The following AGO2 variants were observed in gnomAD, a reference collection of about 807,000 sequenced individuals.
AGO2 encodes the protein protein argonaute-2.
AGO2 carries 5 observed loss-of-function variants against 102.3 expected under a neutral mutation model. The ratio of observed to expected loss-of-function variants is 0.05; its 90% CI spans 0.03 to 0.10. AGO2 has a LOEUF of 0.10. Among genes scored for constraint, AGO2 ranks in the 10% least tolerant of loss-of-function variants. The pLI is 1.00. For synonymous variants in AGO2, 449 were observed against 473.1 expected, an observed-to-expected ratio of 0.95 and a Z score of 0.66; for missense variants, 541 against 1,183.7, an observed-to-expected ratio of 0.46 and a Z score of 7.97.
At chr8:140,588,394 C>G (rs2073691007) in intron 1 of AGO2, among the ~76,000 whole-genome samples, 1 of 145,854 alleles carries the variant, frequency 6.9e-6, no homozygotes. Flanking sequence ...TTGCACTATA[C>G]TGTAGTCTAC....
At chr8:140,632,334 A>G (rs1197242753) in intron 1 of AGO2, among the ~76,000 whole-genome samples, 2 of 152,278 alleles carry the variant, frequency 1.3e-5, no homozygotes, top group African/African-American at 4.8e-5. Context: ...GTAGAGGGTG[A>G]TATCCTGCCA....
At chr8:140,578,098 G>A (rs927444226) in intron 2 of AGO2, among the ~76,000 whole-genome samples, 2 of 152,164 alleles carry the variant, frequency 1.3e-5, no homozygotes, top group East Asian at 1.9e-4. Context: ...CCACCGGCTC[G>A]CAGCCCCCAT....
At chr8:140,586,275 C>T (rs1361495847) in intron 1 of AGO2, among the ~76,000 whole-genome samples, 2 of 152,174 alleles carry the variant, frequency 1.3e-5, no homozygotes, top group South Asian at 2.1e-4. Flanking sequence ...GGTAGATTAC[C>T]TGAGGTCAGG....
chr8:140,625,221 T>A (rs2074260781), intron 1 of AGO2, among the ~76,000 whole-genome samples: 1 of 152,212 alleles, frequency 6.6e-6, no homozygotes. Flanking sequence ...CGCTCCAACC[T>A]CCACCTCCTG....
At chr8:140,595,615 A>AAT (rs35447841) in intron 1 of AGO2, among the ~76,000 whole-genome samples, 14 of 124,972 alleles carry the variant, frequency 1.1e-4, no homozygotes, top group South Asian at 2.3e-4. Flanking sequence ...CTATATATAT[A>AAT]ATATATATAT....
chr8:140,574,436 AT>A (rs1267183221), intron 2 of AGO2, among the ~76,000 whole-genome samples: 1 of 151,808 alleles, frequency 6.6e-6, no homozygotes, highest in Non-Finnish European at 1.5e-5. Context: ...TAATTTTTAA[AT>A]TTTTTTGTAG....
intron 1 of AGO2, among the ~76,000 whole-genome samples, chr8:140,630,938 C>T (rs985368873): frequency 6.6e-6 from 1 of 152,178 alleles, no homozygotes; most frequent in Non-Finnish European, 1.5e-5. Context: ...TCTGCAGTCT[C>T]AGCTACTAGG....
In AGO2 at chr8:140,528,753, G is replaced by C. The variant is rs749907494; in HGVS notation, c.*3291C>G. Reference sequence around the variant, plus strand: ...CTTTCTAAAAGTACAGCTATGCCCAGTTTTACAAAATTTATCCAAACCAGG... The same window carrying C: ...CTTTCTAAAAGTACAGCTATGCCCACTTTTACAAAATTTATCCAAACCAGG... On this transcript the variant is annotated 3_prime_UTR_variant, in exon 19 of 19. Coordinates refer to ENST00000220592, the MANE Select transcript of AGO2 (RefSeq NM_012154.5). The surrounding 1 kb of genome is among the most constrained non-coding windows in gnomAD (Gnocchi z 4.5). The C allele has an allele frequency of 2.6e-5, 4 of 152,222 alleles. No homozygotes were observed. Among genetic ancestry groups the C allele is most frequent in the Non-Finnish European group, 5.9e-5 (4 of 68,048 alleles). The allele number at this position is 152,222 out of a possible 1,614,324, so 9.4% of individuals were successfully genotyped here.
Position 140,527,597 on chromosome 8 carries a change from T to C in AGO2, c.*4447A>G, listed in dbSNP as rs977158428. ...GAAGCGTCACAGCAGACGAGACTGC[T>C]GGCACGGCAGCTAGAGTGCAACTCC... On this transcript the variant is annotated 3_prime_UTR_variant, in exon 19 of 19. Coordinates refer to ENST00000220592, the MANE Select transcript of AGO2 (RefSeq NM_012154.5). The surrounding 1 kb of genome is among the most constrained non-coding windows in gnomAD (Gnocchi z 6.0). The C allele has an allele frequency of 1.3e-5, 2 of 152,682 alleles. No individual in the cohort carries two copies. Among genetic ancestry groups the C allele is most frequent in the Non-Finnish European group, 2.9e-5 (2 of 68,018 alleles). 9.5% of individuals were successfully genotyped at this position (152,682 alleles called of 1,614,324 possible).
At chr8:140,535,297 T>G in intron 17 of AGO2, 171 bp downstream of exon 17, 1 of 411,748 alleles carries the variant, frequency 2.4e-6, no homozygotes. Flanking sequence ...CCCAGGCCCC[T>G]CTCCCCACCC....
intron 11 of AGO2, among the ~76,000 whole-genome samples, chr8:140,550,810 G>A (rs891825007): frequency 3.3e-5 from 5 of 152,024 alleles, no homozygotes; most frequent in Non-Finnish European, 7.4e-5. Context: ...AGATGGGCTG[G>A]TCTCAAACTC....
chr8:140,634,522 G>A (rs28458327), intron 1 of AGO2, among the ~76,000 whole-genome samples: 5,441 of 152,330 alleles, frequency 0.036, 311 homozygotes, highest in African/African-American at 0.12. Context: ...TGCCCGGTGG[G>A]AGCACGCCAA....
At position 140,532,040 on chromosome 8, in the gene AGO2, CAT is replaced by C; in HGVS notation, c.*2_*3del. 1 of 1,613,760 alleles carries C rather than the reference CAT, an allele frequency of 6.2e-7. No individual in the cohort carries two copies. The highest frequency in any genetic ancestry group is 1.1e-5 in the South Asian group (1 of 91,072). On this transcript the variant is annotated 3_prime_UTR_variant, in exon 19 of 19. Transcript: ENST00000220592. ...GGTACACAATCGCTAAACACTAAAA[CAT>C]GTCAAGCAAAGTACATGGTGCGCAG...
intron 1 of AGO2, among the ~76,000 whole-genome samples, chr8:140,616,034 C>T (rs936710202): frequency 6.6e-6 from 1 of 152,210 alleles, no homozygotes. Context: ...CCAACAGGCT[C>T]ACCCTCAGAG....
upstream of AGO2, among the ~76,000 whole-genome samples, chr8:140,636,086 C>G (rs2074406081): frequency 6.6e-6 from 1 of 151,176 alleles, no homozygotes; most frequent in African/African-American, 2.4e-5. Context: ...GGGCGCAGAA[C>G]CCTCCCACCC....
intron 3 of AGO2, among the ~76,000 whole-genome samples, chr8:140,568,215 T>C (rs1408523201): frequency 7.7e-6 from 1 of 129,988 alleles, no homozygotes; most frequent in Non-Finnish European, 1.6e-5. Context: ...GCCTGGGAGG[T>C]GGAGGTTACA....
At chr8:140,574,510 T>G (rs1293157556) in intron 2 of AGO2, among the ~76,000 whole-genome samples, 2 of 152,162 alleles carry the variant, frequency 1.3e-5, no homozygotes, top group Non-Finnish European at 2.9e-5. Flanking sequence ...GCAATCCTCC[T>G]GCCTTTGCCT....
At chr8:140,570,957 C>A (rs1204823008) in intron 3 of AGO2, among the ~76,000 whole-genome samples, 7 of 152,180 alleles carry the variant, frequency 4.6e-5, no homozygotes, top group Non-Finnish European at 8.8e-5. Flanking sequence ...ACAGACAAAA[C>A]TGTGCACAAA....
chr8:140,535,586 A>G lies in AGO2; in HGVS notation c.2170-17T>C, dbSNP rs893823187. The G allele has an allele frequency of 6.2e-7, 1 of 1,613,536 alleles. No individual in the cohort carries two copies. The highest frequency in any genetic ancestry group is 1.3e-5 in the African/African-American group (1 of 75,054). On this transcript the variant is annotated splice_polypyrimidine_tract_variant and intron_variant, in intron 16 of 18. Transcript: ENST00000220592. ...TTTCCCAACCTTCGGCAACACAGGC[A>G]TCTCGTTAGACACGGCCAGGGACCG...
Sources: allele counts gnomAD v4.1 joint callset (sites outside exome capture counted in the v4.1 genomes callset), GRCh38; gene constraint gnomAD v4.1.1; non-coding constraint Gnocchi (gnomAD v3.1); transcripts MANE v1.5; gene names NCBI Gene and HGNC (gene_info 2026-07-23, HGNC 2026-07-21).